Variants in GPC6 observed in about 807,000 individuals in gnomAD.
The protein encoded by GPC6 is glypican-6.
In GPC6, 14 loss-of-function variants were observed where a neutral mutation model predicts 55.2. The ratio of observed to expected loss-of-function variants is 0.25; its 90% CI spans 0.17 to 0.40. The LOEUF is 0.40. Among genes scored for constraint, GPC6 ranks in the 10% least tolerant of loss-of-function variants. The pLI, the probability that GPC6 is intolerant of heterozygous loss-of-function variation, is 1.00. For missense variants in GPC6, 641 were observed against 708.5 expected (o/e 0.90, Z 1.08); for synonymous variants, 278 against 259.6 (o/e 1.07, Z -0.68).
At position 93,588,737 on chromosome 13, in the gene GPC6, C is replaced by T. The variant is rs141630614; in HGVS notation, c.319+43316C>T. 5.2e-3 allele frequency among the ~76,000 whole-genome samples: 795 copies of T among 152,172 alleles called. 6 individuals are homozygous for T. Among genetic ancestry groups the T allele is most frequent in the African/African-American group, 0.018 (755 of 41,494 alleles). ...GATTTCATGGGCACTCACTATCATG[C>T]GGACAGCACCAAACCACTAGGAATC... On this transcript the variant is annotated intron_variant, in intron 2 of 8. Transcript: ENST00000377047.
At chr13:93,233,043 TTGG>T (rs1437782645) in intron 1 of GPC6, among the ~76,000 whole-genome samples, 1 of 152,184 alleles carries the variant, frequency 6.6e-6, no homozygotes, top group Admixed American at 6.5e-5. Flanking sequence ...TCTTTTAAAC[TTGG>T]TGATTTTATT....
intron 1 of GPC6, among the ~76,000 whole-genome samples, chr13:93,292,763 T>TTA (rs1476261233): frequency 6.6e-6 from 1 of 152,210 alleles, no homozygotes; most frequent in African/African-American, 2.4e-5. Context: ...TAAGATAATT[T>TTA]TATACCCATA....
At chr13:93,825,211 G>A (rs929610355) in intron 2 of GPC6, among the ~76,000 whole-genome samples, 1 of 152,126 alleles carries the variant, frequency 6.6e-6, no homozygotes. Context: ...TGACATTTTG[G>A]TTGTGACTAC....
intron 5 of GPC6, among the ~76,000 whole-genome samples, chr13:94,288,885 A>T (rs368141092): frequency 2.4e-4 from 8 of 33,392 alleles, no homozygotes; most frequent in South Asian, 1.6e-3. Flanking sequence ...ATATATAACT[A>T]ATATATATAA....
chr13:94,366,978 A>G (rs1594210772), intron 6 of GPC6, among the ~76,000 whole-genome samples: 1 of 152,342 alleles, frequency 6.6e-6, no homozygotes, highest in East Asian at 1.9e-4. Context: ...AAGAATAAGA[A>G]TGTGTTTCTG....
intron 4 of GPC6, among the ~76,000 whole-genome samples, chr13:94,033,174 A>G (rs1883203946): frequency 6.6e-6 from 1 of 152,210 alleles, no homozygotes; most frequent in Admixed American, 6.5e-5. Flanking sequence ...ATGGAGGTAT[A>G]ACTAATTCAG....
intron 4 of GPC6, among the ~76,000 whole-genome samples, chr13:94,067,382 A>G (rs1272925299): frequency 1.3e-5 from 2 of 152,168 alleles, no homozygotes; most frequent in Non-Finnish European, 2.9e-5. Context: ...TAGAATCCAC[A>G]TCTCCCATTC....
At chr13:93,383,440 C>T in intron 1 of GPC6, among the ~76,000 whole-genome samples, 1 of 152,244 alleles carries the variant, frequency 6.6e-6, no homozygotes, top group East Asian at 1.9e-4. Context: ...TGGTCTGGAA[C>T]TCCTGGCCTC....
At chr13:94,248,096 C>G (rs1891250347) in intron 4 of GPC6, among the ~76,000 whole-genome samples, 1 of 151,998 alleles carries the variant, frequency 6.6e-6, no homozygotes, top group Non-Finnish European at 1.5e-5. Context: ...CCCTCCAGCT[C>G]TATTTCTGAA....
At chr13:93,586,034 G>T (rs1053208976) in intron 2 of GPC6, among the ~76,000 whole-genome samples, 3 of 151,934 alleles carry the variant, frequency 2.0e-5, no homozygotes, top group East Asian at 1.9e-4. Flanking sequence ...TATCATGGGG[G>T]TTTGTTGTAC....
intron 4 of GPC6, among the ~76,000 whole-genome samples, chr13:94,246,885 G>GT (rs1566589193): frequency 2.0e-5 from 3 of 151,930 alleles, no homozygotes; most frequent in South Asian, 4.2e-4. Flanking sequence ...TTTTAGGATT[G>GT]TTTTTTCTAT....
intron 4 of GPC6, among the ~76,000 whole-genome samples, chr13:94,086,210 T>C (rs1313242749): frequency 6.6e-6 from 1 of 152,214 alleles, no homozygotes; most frequent in Non-Finnish European, 1.5e-5. Flanking sequence ...ACATAAAGAT[T>C]CTCACACTGC....
intron 2 of GPC6, among the ~76,000 whole-genome samples, chr13:93,713,010 A>G (rs1244090662): frequency 1.3e-5 from 2 of 151,586 alleles, no homozygotes; most frequent in Admixed American, 1.3e-4. Context: ...CTTCAAAAGA[A>G]TTGGCAATAA....
At chr13:93,459,217 CCCAG>C (rs1193641215) in intron 1 of GPC6, among the ~76,000 whole-genome samples, 1 of 152,150 alleles carries the variant, frequency 6.6e-6, no homozygotes, top group Non-Finnish European at 1.5e-5. Flanking sequence ...GGCCACCACA[CCCAG>C]CCAATTTTAT....
At chr13:94,376,943 A>G (rs1446970858) in intron 6 of GPC6, among the ~76,000 whole-genome samples, 1 of 151,902 alleles carries the variant, frequency 6.6e-6, no homozygotes, top group African/African-American at 2.4e-5. Context: ...AAAACAAGCA[A>G]TGGGGAAAGG....
chr13:93,430,513 G>T (rs1000697558), intron 1 of GPC6, among the ~76,000 whole-genome samples: 1 of 152,096 alleles, frequency 6.6e-6, no homozygotes, highest in Non-Finnish European at 1.5e-5. Context: ...AGTGGGAAGA[G>T]ATGACATAGT....
chr13:93,969,980 G>A (rs190173545), intron 3 of GPC6, among the ~76,000 whole-genome samples: 2 of 152,272 alleles, frequency 1.3e-5, no homozygotes, highest in Non-Finnish European at 2.9e-5. Context: ...CATTCTCCAG[G>A]TGAGGTTAAG....
chr13:93,540,229 G>T (rs975553280), intron 1 of GPC6, among the ~76,000 whole-genome samples: 3 of 152,110 alleles, frequency 2.0e-5, no homozygotes, highest in African/African-American at 7.2e-5. Flanking sequence ...TAGCAAAACT[G>T]TAGTGACTAC....
At chr13:93,667,249 T>A (rs1881175561) in intron 2 of GPC6, among the ~76,000 whole-genome samples, 1 of 152,150 alleles carries the variant, frequency 6.6e-6, no homozygotes, top group Non-Finnish European at 1.5e-5. Flanking sequence ...AAAATTTTTT[T>A]CAGAAGCCAT....
Sources: gnomAD v4.1 joint callset for allele counts (sites outside exome capture counted in the v4.1 genomes callset) on GRCh38, gnomAD v4.1.1 for gene constraint, MANE v1.5 for transcripts, NCBI Gene and HGNC (gene_info 2026-07-23, HGNC 2026-07-21) for gene names.